Variants in SPAG16 observed in about 807,000 individuals in gnomAD.
SPAG16 encodes the protein sperm associated antigen 16, also known as sperm-associated antigen 16 protein.
SPAG16 carries 86 observed loss-of-function variants against 80.4 expected under a neutral mutation model. The ratio of observed to expected loss-of-function variants is 1.07; its 90% CI spans 0.90 to 1.28. The LOEUF is 1.28. SPAG16 is among the 50% of genes most tolerant of loss of function. SPAG16 has a pLI of 0.00. For synonymous variants in SPAG16, 294 were observed against 265.9 expected (o/e 1.11, Z -1.03); for missense variants, 870 against 765.3 (o/e 1.14, Z -1.61).
chr2:213,895,081 A>T (rs932243974), intron 11 of SPAG16, among the ~76,000 whole-genome samples: 1 of 151,600 alleles, frequency 6.6e-6, no homozygotes, highest in Non-Finnish European at 1.5e-5. Context: ...GTTACAGGCC[A>T]CAAAATCAAC....
At chr2:214,283,723 A>C (rs1432012559) in intron 15 of SPAG16, among the ~76,000 whole-genome samples, 1 of 152,196 alleles carries the variant, frequency 6.6e-6, no homozygotes, top group African/African-American at 2.4e-5. Flanking sequence ...TGCTGCTCTA[A>C]TAGTTTTCTG....
Position 213,442,041 on chromosome 2 carries a change from G to A in SPAG16, c.943-47922G>A, listed in dbSNP as rs979025778. Among the ~76,000 whole-genome samples the A allele has an allele frequency of 2.6e-5, 4 of 152,252 alleles. No homozygotes were observed. In the East Asian group the frequency reaches 5.8e-4, roughly 22 times the overall value. On this transcript the variant is annotated intron_variant, in intron 9 of 15. Coordinates refer to ENST00000331683, the MANE Select transcript of SPAG16 (RefSeq NM_024532.5). ...CACATGCCTATAATCCCAGCTACTC[G>A]GGAGGTTGAGGCAGGAGAATCTCTT...
chr2:213,824,747 T>G lies in SPAG16; in HGVS notation c.1071-37738T>G, dbSNP rs116215891. Among the ~76,000 whole-genome samples the G allele has an allele frequency of 5.9e-3, 898 of 152,222 alleles. 9 individuals are homozygous for G. Among genetic ancestry groups the G allele is most frequent in the African/African-American group, 0.02 (813 of 41,566 alleles). On this transcript the variant is annotated intron_variant, in intron 10 of 15. Transcript: ENST00000331683. The stretch of plus-strand genomic sequence containing the variant: ...GGGTCTTTTGTGGCTGCACATAAAT[T>G]TTAGAATTGCTTTTTCTTTCTGGGA...
At chr2:214,315,732 A>G (rs1695647465) in intron 15 of SPAG16, among the ~76,000 whole-genome samples, 1 of 151,786 alleles carries the variant, frequency 6.6e-6, no homozygotes, top group African/African-American at 2.4e-5. Context: ...GGGTCTCACT[A>G]TGTTGTCCAG....
Position 214,022,841 on chromosome 2 carries a change from A to G in SPAG16, c.1527+8764A>G, listed in dbSNP as rs568309071. ...TTTCCATTTATATTAACACCAAGCC[A>G]TAGTACAGAATTGTTACTAAATATT... On this transcript the variant is annotated intron_variant, in intron 13 of 15. Transcript: ENST00000331683. Among the ~76,000 whole-genome samples, 65 of 152,220 alleles carry G rather than the reference A, an allele frequency of 4.3e-4. 1 individual carries two copies. Among genetic ancestry groups the G allele is most frequent in the African/African-American group, 1.3e-3 (55 of 41,580 alleles).
At chr2:214,019,063 TC>T (rs1313856320) in intron 13 of SPAG16, among the ~76,000 whole-genome samples, 4 of 127,880 alleles carry the variant, frequency 3.1e-5, no homozygotes, top group Non-Finnish European at 6.9e-5. Context: ...CATGTATTTT[TC>T]TTCAAAGTTG....
intron 10 of SPAG16, among the ~76,000 whole-genome samples, chr2:213,582,636 G>A (rs10205601): frequency 0.026 from 4,025 of 152,244 alleles, 178 homozygotes; most frequent in African/African-American, 0.09. Context: ...CACTCTGTGC[G>A]TAGGATGGCA....
At chr2:213,896,435 A>C (rs2076991910) in intron 11 of SPAG16, among the ~76,000 whole-genome samples, 1 of 151,910 alleles carries the variant, frequency 6.6e-6, no homozygotes, top group Non-Finnish European at 1.5e-5. Context: ...CAATTCCACT[A>C]CTGGGTATAT....
chr2:214,041,472 G>A lies in SPAG16; in HGVS notation c.1527+27395G>A, dbSNP rs2049005236. Among the ~76,000 whole-genome samples, 5 of 148,640 alleles carry A rather than the reference G, an allele frequency of 3.4e-5. No homozygotes were observed. The South Asian group carries it at 6.4e-4, about 19-fold the overall frequency. On this transcript the variant is annotated intron_variant, in intron 13 of 15. Transcript: ENST00000331683. ...AGTTTCTTTTTTTTTTTTAAATCATGGCTAAAAAATGTCCTATGTAGTCAG... is the reference window on the plus strand; with the variant it reads ...AGTTTCTTTTTTTTTTTTAAATCATAGCTAAAAAATGTCCTATGTAGTCAG...
intron 6 of SPAG16, among the ~76,000 whole-genome samples, chr2:213,344,201 G>T (rs572027471): frequency 2.0e-4 from 31 of 152,036 alleles, no homozygotes; most frequent in Non-Finnish European, 3.7e-4. Flanking sequence ...ATAGCCAGGG[G>T]TAATTTGCAG....
chr2:213,592,949 A>T (rs1390025975), intron 10 of SPAG16, among the ~76,000 whole-genome samples: 1 of 152,174 alleles, frequency 6.6e-6, no homozygotes, highest in Admixed American at 6.5e-5. Flanking sequence ...TTAATGATTT[A>T]AAAACTTATA....
chr2:214,130,473 C>A (rs2054711024), intron 14 of SPAG16, among the ~76,000 whole-genome samples: 1 of 152,148 alleles, frequency 6.6e-6, no homozygotes, highest in South Asian at 2.1e-4. Flanking sequence ...CACAGCAAAC[C>A]TGAGATCTTT....
intron 3 of SPAG16, among the ~76,000 whole-genome samples, chr2:213,297,849 G>C (rs1005593466): frequency 2.0e-5 from 3 of 152,100 alleles, no homozygotes; most frequent in Non-Finnish European, 4.4e-5. Context: ...GCATAAAACT[G>C]ATGGCATTCC....
chr2:213,604,961 A>C (rs1233623201), intron 10 of SPAG16, among the ~76,000 whole-genome samples: 5 of 149,286 alleles, frequency 3.3e-5, no homozygotes, highest in Non-Finnish European at 7.4e-5. Context: ...TTAAATACAA[A>C]ACTTTATGTT....
chr2:213,468,670 GTA>G (rs541436096), intron 9 of SPAG16, among the ~76,000 whole-genome samples: 24 of 145,700 alleles, frequency 1.6e-4, no homozygotes, highest in Admixed American at 4.9e-4. Flanking sequence ...GTGTGTGTGT[GTA>G]TATATATGTG....
chr2:213,702,923 G>A (rs187003290), intron 10 of SPAG16, among the ~76,000 whole-genome samples: 79 of 152,298 alleles, frequency 5.2e-4, no homozygotes, highest in Admixed American at 4.0e-3. Flanking sequence ...GGGTTTTGCC[G>A]TGACTGTGTT....
intron 10 of SPAG16, among the ~76,000 whole-genome samples, chr2:213,696,203 T>C (rs898648468): frequency 1.4e-4 from 22 of 152,204 alleles, no homozygotes; most frequent in Non-Finnish European, 3.1e-4. Context: ...AATTTTGTTA[T>C]GTCATTCATT....
intron 15 of SPAG16, among the ~76,000 whole-genome samples, chr2:214,190,212 C>T (rs895524271): frequency 6.6e-6 from 1 of 152,074 alleles, no homozygotes; most frequent in African/African-American, 2.4e-5. Context: ...CTCTCCCCTC[C>T]TCCTGGCATT....
chr2:213,989,862 T>C (rs7597734), intron 12 of SPAG16, among the ~76,000 whole-genome samples: 41,015 of 152,030 alleles, frequency 0.27, 6,424 homozygotes, highest in South Asian at 0.58. Context: ...CCAAGCCTAG[T>C]ATTCTTTTTA....
Sources: gnomAD v4.1 joint callset for allele counts (sites outside exome capture counted in the v4.1 genomes callset) on GRCh38, gnomAD v4.1.1 for gene constraint, MANE v1.5 for transcripts, NCBI Gene and HGNC (gene_info 2026-07-23, HGNC 2026-07-21) for gene names.